Variants in CTXND1 observed in about 807,000 individuals in gnomAD.
The protein encoded by CTXND1 is cortexin domain containing 1, also known as cortexin domain-containing 1 protein.
intron 1 of CTXND1, among the ~76,000 whole-genome samples, chr15:80,218,313 A>C (rs1300427953): frequency 2.0e-5 from 3 of 152,012 alleles, no homozygotes; most frequent in Non-Finnish European, 2.9e-5. Context: ...GTTTTTAAAC[A>C]GTGTTTTGTA....
intron 1 of CTXND1, among the ~76,000 whole-genome samples, chr15:80,244,756 T>C (rs974276067): frequency 6.6e-6 from 1 of 152,212 alleles, no homozygotes; most frequent in African/African-American, 2.4e-5. Context: ...TGCTGGTCTG[T>C]GACCCTGTGG....
At chr15:80,209,652 C>T (rs1237457729) in intron 1 of CTXND1, among the ~76,000 whole-genome samples, 1 of 152,082 alleles carries the variant, frequency 6.6e-6, no homozygotes, top group Admixed American at 6.6e-5. Context: ...CCATAGGACA[C>T]GATGAAGAAT....
chr15:80,239,165 G>A (rs776653605), intron 1 of CTXND1, among the ~76,000 whole-genome samples: 5 of 152,146 alleles, frequency 3.3e-5, no homozygotes, highest in Non-Finnish European at 1.5e-5. Context: ...GCCGTCTGAA[G>A]CCCTTCCCAC....
At chr15:80,247,133 A>T (rs1893640430) in intron 1 of CTXND1, among the ~76,000 whole-genome samples, 1 of 152,104 alleles carries the variant, frequency 6.6e-6, no homozygotes, top group South Asian at 2.1e-4. Context: ...ATTTGAAGAC[A>T]GGTCAGGTGA....
intron 1 of CTXND1, among the ~76,000 whole-genome samples, chr15:80,212,847 C>T (rs1330576612): frequency 6.6e-6 from 1 of 152,090 alleles, no homozygotes; most frequent in African/African-American, 2.4e-5. Context: ...ATAAAACTAA[C>T]CAGCTAAAAA....
chr15:80,220,912 ATTT>A (rs68162303), intron 1 of CTXND1, among the ~76,000 whole-genome samples: 7 of 141,612 alleles, frequency 4.9e-5, no homozygotes, highest in South Asian at 2.3e-4. Flanking sequence ...TATTATTATT[ATTT>A]TTTTTTTTTT....
chr15:80,235,606 C>G (rs1355735706), intron 1 of CTXND1, among the ~76,000 whole-genome samples: 1 of 152,054 alleles, frequency 6.6e-6, no homozygotes, highest in African/African-American at 2.4e-5. Context: ...CTCCTGAGGG[C>G]CAATCTTGCC....
chr15:80,214,655 G>C (rs1364641308), intron 1 of CTXND1, among the ~76,000 whole-genome samples: 1 of 152,128 alleles, frequency 6.6e-6, no homozygotes, highest in Non-Finnish European at 1.5e-5. Flanking sequence ...ACACTTAGGG[G>C]CAAAATCATA....
rs539269117 is a variant in CTXND1, at chr15:80,200,876, A to T, written c.*894T>A. The T allele has an allele frequency of 2.5e-4, 38 of 152,280 alleles. No homozygotes were observed. Among genetic ancestry groups the T allele is most frequent in the African/African-American group, 8.9e-4 (37 of 41,554 alleles). 9.4% of individuals were successfully genotyped at this position (152,280 alleles called of 1,614,324 possible). A position where few individuals can be genotyped will look rare whatever the true frequency, so the allele number is the denominator to read the frequency against. On this transcript the variant is annotated 3_prime_UTR_variant, in exon 3 of 3. Coordinates refer to ENST00000560778, the MANE Select transcript of CTXND1 (RefSeq NM_001352888.2). ...ATAATTAAATATGCAACCAAAGGAG[A>T]TGATTTTTTAACCATGACCTACCCA... is the stretch of plus-strand genomic sequence containing the variant.
intron 2 of CTXND1, among the ~76,000 whole-genome samples, chr15:80,203,248 G>A (rs1032686690): frequency 3.9e-5 from 6 of 152,154 alleles, no homozygotes; most frequent in African/African-American, 1.4e-4. Context: ...TGCTTGAACT[G>A]TACTCTGTGC....
At chr15:80,244,695 A>C (rs1819364443) in intron 1 of CTXND1, among the ~76,000 whole-genome samples, 1 of 152,206 alleles carries the variant, frequency 6.6e-6, no homozygotes, top group African/African-American at 2.4e-5. Context: ...CAAAGAAGAC[A>C]CAAATGACTA....
intron 1 of CTXND1, among the ~76,000 whole-genome samples, chr15:80,204,535 T>C (rs1383931896): frequency 6.6e-6 from 1 of 151,726 alleles, no homozygotes; most frequent in Non-Finnish European, 1.5e-5. Context: ...AATTGTACAG[T>C]ATTTGTCTTT....
intron 1 of CTXND1, among the ~76,000 whole-genome samples, chr15:80,230,162 G>T (rs1893412618): frequency 1.3e-5 from 2 of 152,200 alleles, no homozygotes; most frequent in Non-Finnish European, 2.9e-5. Flanking sequence ...TGGTAGGATT[G>T]TGTCAGGTAG....
chr15:80,238,174 G>A (rs1893523941), intron 1 of CTXND1, among the ~76,000 whole-genome samples: 1 of 152,024 alleles, frequency 6.6e-6, no homozygotes, highest in Non-Finnish European at 1.5e-5. Context: ...TAATGTCCTA[G>A]GCCAAACTCA....
intron 1 of CTXND1, among the ~76,000 whole-genome samples, chr15:80,237,062 G>C (rs576968886): frequency 2.0e-5 from 3 of 152,064 alleles, no homozygotes; most frequent in Non-Finnish European, 4.4e-5. Flanking sequence ...TTGGCCAGGC[G>C]CGGTGGCTCA....
At chr15:80,250,994 G>A (rs1183362839) in intron 1 of CTXND1, among the ~76,000 whole-genome samples, 2 of 152,204 alleles carry the variant, frequency 1.3e-5, no homozygotes, top group Non-Finnish European at 2.9e-5. Flanking sequence ...TTGTATCACA[G>A]TGTTAATCCA....
chr15:80,206,567 T>A (rs551567285), intron 1 of CTXND1, among the ~76,000 whole-genome samples: 1 of 152,210 alleles, frequency 6.6e-6, no homozygotes, highest in South Asian at 2.1e-4. Context: ...CCCTGATTCT[T>A]ACTCTTATTT....
chr15:80,231,877 T>G (rs1185030159), intron 1 of CTXND1, among the ~76,000 whole-genome samples: 1 of 151,984 alleles, frequency 6.6e-6, no homozygotes, highest in African/African-American at 2.4e-5. Flanking sequence ...TTGGAAGAGG[T>G]TTTTCCATTC....
chr15:80,232,569 A>G (rs774858299), intron 1 of CTXND1, among the ~76,000 whole-genome samples: 11 of 152,162 alleles, frequency 7.2e-5, no homozygotes, highest in Admixed American at 5.9e-4. Flanking sequence ...TCCTGGCACA[A>G]ACGCTCTTGC....
Sources: gnomAD v4.1 joint callset for allele counts (sites outside exome capture counted in the v4.1 genomes callset) on GRCh38, gnomAD v4.1.1 for gene constraint, MANE v1.5 for transcripts, NCBI Gene and HGNC (gene_info 2026-07-23, HGNC 2026-07-21) for gene names.